Variants in BRD7 observed in about 807,000 individuals in gnomAD.
BRD7 encodes the protein bromodomain-containing protein 7.
In BRD7, 15 loss-of-function variants were observed where a neutral mutation model predicts 82.1. That is an observed-to-expected ratio of 0.18 (90% confidence interval 0.12 to 0.28). The LOEUF (loss-of-function observed/expected upper bound fraction) is 0.28, where lower values mean the gene tolerates loss of function less well. BRD7 is among the 10% of genes least tolerant of loss of function. The pLI is 1.00. For synonymous variants in BRD7, 232 were observed against 266.9 expected (o/e 0.87, Z 1.27); for missense variants, 638 against 779.9 (o/e 0.82, Z 2.17).
At chr16:50,353,708 C>T (rs573917986) in intron 4 of BRD7, among the ~76,000 whole-genome samples, 61 of 152,028 alleles carry the variant, frequency 4.0e-4, no homozygotes, top group Admixed American at 7.2e-4. Flanking sequence ...ATTCTCCTGC[C>T]TCAGCCTCCC....
At chr16:50,321,875 A>G (rs764545123) in intron 13 of BRD7, 107 bp downstream of exon 13, 155 of 1,011,896 alleles carry the variant, frequency 1.5e-4, no homozygotes, top group Non-Finnish European at 2.2e-4. Context: ...AACTCTACTC[A>G]CTAACCTTTT....
intron 13 of BRD7, 127 bp downstream of exon 13, chr16:50,321,855 A>C: frequency 3.8e-6 from 3 of 780,900 alleles, no homozygotes; most frequent in South Asian, 1.6e-5. Flanking sequence ...CATTTCAGCT[A>C]GGCCCTCACA....
rs1386497934 is a variant in BRD7 at position 50,317,952 on chromosome 16, G to A, written c.*1259C>T. 6.6e-6 allele frequency: 1 copy of A among 152,332 alleles called. No homozygotes were observed. Among genetic ancestry groups the A allele is most frequent in the East Asian group, 1.9e-4 (1 of 5,340 alleles). The allele number at this position is 152,332 out of a possible 1,614,324, so 9.4% of individuals were successfully genotyped here. A position where few individuals can be genotyped will look rare whatever the true frequency, so the allele number is the denominator to read the frequency against. On this transcript the variant is annotated 3_prime_UTR_variant, in exon 17 of 17. Coordinates refer to ENST00000394688, the MANE Select transcript of BRD7 (RefSeq NM_013263.5). ...GATCATTAACCACTGTATACTTTGT[G>A]TATATAATAGGTCAGTGTAAAGAAA...
chr16:50,337,256 C>CA (rs1367365520), intron 6 of BRD7, among the ~76,000 whole-genome samples: 5 of 93,250 alleles, frequency 5.4e-5, no homozygotes, highest in African/African-American at 2.2e-4. Flanking sequence ...GTTCATTCTT[C>CA]TTTTTTTTTT....
At chr16:50,341,458 T>C (rs1006274146) in intron 5 of BRD7, among the ~76,000 whole-genome samples, 3 of 151,594 alleles carry the variant, frequency 2.0e-5, no homozygotes. Context: ...CAGGGCAACA[T>C]GGTGAAACCC....
intron 5 of BRD7, among the ~76,000 whole-genome samples, chr16:50,347,162 CAT>C (rs1372349484): frequency 2.0e-5 from 3 of 152,186 alleles, no homozygotes; most frequent in African/African-American, 7.2e-5. Flanking sequence ...ACAAAAACCA[CAT>C]GATTATCTCA....
chr16:50,345,735 T>C (rs934974402), intron 5 of BRD7, among the ~76,000 whole-genome samples: 1 of 152,160 alleles, frequency 6.6e-6, no homozygotes, highest in African/African-American at 2.4e-5. Flanking sequence ...TAAATATATA[T>C]GCACCCAATA....
At chr16:50,341,565 C>A (rs1013902272) in intron 5 of BRD7, among the ~76,000 whole-genome samples, 4 of 149,918 alleles carry the variant, frequency 2.7e-5, no homozygotes, top group African/African-American at 9.9e-5. Flanking sequence ...ATTGCTTGAA[C>A]CCTGAACGTG....
intron 4 of BRD7, among the ~76,000 whole-genome samples, chr16:50,350,417 A>T (rs931046631): frequency 1.3e-5 from 2 of 152,232 alleles, no homozygotes; most frequent in Non-Finnish European, 1.5e-5. Context: ...CCTCATTAAC[A>T]GCTACACTTA....
chr16:50,321,091 A>C (rs1384197680), intron 13 of BRD7, among the ~76,000 whole-genome samples: 2 of 152,220 alleles, frequency 1.3e-5, no homozygotes, highest in African/African-American at 4.8e-5. Flanking sequence ...GTTGTTGCTT[A>C]AACTGTGAAG....
At chr16:50,345,764 T>C (rs1326077027) in intron 5 of BRD7, among the ~76,000 whole-genome samples, 1 of 152,116 alleles carries the variant, frequency 6.6e-6, no homozygotes, top group African/African-American at 2.4e-5. Flanking sequence ...CCCAGATTCA[T>C]AAAGCAAGTC....
intron 4 of BRD7, among the ~76,000 whole-genome samples, chr16:50,352,341 C>T (rs2038561021): frequency 6.6e-6 from 1 of 152,204 alleles, no homozygotes; most frequent in Admixed American, 6.5e-5. Flanking sequence ...ATGATGTCCT[C>T]TAGGTTCATC....
chr16:50,353,267 G>A (rs2038607313), intron 4 of BRD7, among the ~76,000 whole-genome samples: 1 of 152,012 alleles, frequency 6.6e-6, no homozygotes, highest in Non-Finnish European at 1.5e-5. Context: ...GTCTCACTAT[G>A]TTGCCCAGGC....
At chr16:50,350,739 C>A (rs936550998) in intron 4 of BRD7, among the ~76,000 whole-genome samples, 1 of 152,122 alleles carries the variant, frequency 6.6e-6, no homozygotes, top group African/African-American at 2.4e-5. Flanking sequence ...ACCAAAAAAA[C>A]CCCAAAATCA....
At chr16:50,328,498 G>C (rs2037430973) in intron 9 of BRD7, among the ~76,000 whole-genome samples, 171 bp downstream of exon 9, 1 of 152,212 alleles carries the variant, frequency 6.6e-6, no homozygotes, top group African/African-American at 2.4e-5. Flanking sequence ...TCAAGATGAA[G>C]TGAAAGTTAG....
rs1407294474 is a variant in BRD7 at position 50,320,286 on chromosome 16, A to C, written c.1718T>G (p.Ile573Ser). The C allele has an allele frequency of 6.2e-7, 1 of 1,614,190 alleles. No homozygotes were observed. Among genetic ancestry groups the C allele is most frequent in the Admixed American group, 1.7e-5 (1 of 60,014 alleles). The stretch of plus-strand genomic sequence containing the variant: ...TCTGTATGAGGGACCCAAGAGACAG[A>C]TCATGTTCGGAGGGGGTCTGGTGCT... The part of the protein sequence containing the change: ...RLSTRPPPNM[I>S]CLLGPSYREM... Residue 573 changes from isoleucine (I) to serine (S), a missense_variant, in exon 15 of 17, where the codon ATC becomes AGC. By Grantham distance (142) the Ile-to-Ser change is moderately radical. Transcript: ENST00000394688.
intron 5 of BRD7, among the ~76,000 whole-genome samples, chr16:50,341,927 TTCAC>T (rs764369082): frequency 1.5e-5 from 1 of 68,156 alleles, no homozygotes; most frequent in African/African-American, 8.9e-5. Context: ...CTGCACACTT[TTCAC>T]ACACACACAC....
At chr16:50,337,256 C>CTTT (rs71138063) in intron 6 of BRD7, among the ~76,000 whole-genome samples, 278 of 93,184 alleles carry the variant, frequency 3.0e-3, no homozygotes, top group Non-Finnish European at 3.7e-3. Context: ...GTTCATTCTT[C>CTTT]TTTTTTTTTT....
intron 6 of BRD7, among the ~76,000 whole-genome samples, chr16:50,335,870 T>C (rs1338481953): frequency 6.6e-6 from 1 of 152,190 alleles, no homozygotes; most frequent in Non-Finnish European, 1.5e-5. Flanking sequence ...CCAACACAGT[T>C]CTTGCTGTTT....
Sources: allele counts gnomAD v4.1 joint callset (sites outside exome capture counted in the v4.1 genomes callset), GRCh38; gene constraint gnomAD v4.1.1; transcripts MANE v1.5; gene names NCBI Gene and HGNC (gene_info 2026-07-23, HGNC 2026-07-21).